The following SPATS2L variants were observed in gnomAD, a reference collection of about 807,000 sequenced individuals.
SPATS2L encodes spermatogenesis associated serine rich 2 like, also known as SPATS2-like protein.
SPATS2L carries 30 observed loss-of-function variants against 59.6 expected under a neutral mutation model. That is an observed-to-expected ratio of 0.50 (90% CI 0.38 to 0.68). The LOEUF (loss-of-function observed/expected upper bound fraction) is 0.68, where lower values mean the gene tolerates loss of function less well. Ranked by LOEUF, SPATS2L falls within the 30% of genes least tolerant of loss-of-function variation. The probability of loss-of-function intolerance (pLI) is 0.00; values close to 1 mark genes in which losing one functional copy is unlikely to be tolerated. For synonymous variants in SPATS2L, 252 were observed against 263.5 expected (o/e 0.96, Z 0.42); for missense variants, 615 against 700.0 (o/e 0.88, Z 1.37).
intron 3 of SPATS2L, among the ~76,000 whole-genome samples, chr2:200,396,066 ATT>A (rs60712384): frequency 0.1 from 3,983 of 38,338 alleles, 648 homozygotes; most frequent in South Asian, 0.17. Flanking sequence ...ATATATATAT[ATT>A]TTCCCATAGA....
At chr2:200,357,048 A>G (rs1389401966) in intron 2 of SPATS2L, among the ~76,000 whole-genome samples, 4 of 152,222 alleles carry the variant, frequency 2.6e-5, no homozygotes, top group South Asian at 2.1e-4. Flanking sequence ...CATTCAAACC[A>G]TAGCAATGGA....
At chr2:200,385,971 C>T (rs918847374) in intron 2 of SPATS2L, among the ~76,000 whole-genome samples, 10 of 152,304 alleles carry the variant, frequency 6.6e-5, no homozygotes, top group African/African-American at 2.4e-4. Flanking sequence ...GGACCACAGG[C>T]GTGAGCCACC....
intron 1 of SPATS2L, among the ~76,000 whole-genome samples, chr2:200,326,153 G>T (rs903332297): frequency 7.2e-5 from 11 of 152,160 alleles, no homozygotes; most frequent in African/African-American, 2.4e-5. Flanking sequence ...TAGAGATGGG[G>T]TCTTGGGCTC....
At chr2:200,424,998 G>A (rs945188063) in intron 6 of SPATS2L, among the ~76,000 whole-genome samples, 4 of 152,254 alleles carry the variant, frequency 2.6e-5, no homozygotes, top group African/African-American at 7.2e-5. Context: ...CAGCCCTGTC[G>A]TTTTTACCTT....
At chr2:200,336,871 T>C (rs1239577290) in intron 2 of SPATS2L, among the ~76,000 whole-genome samples, 1 of 152,218 alleles carries the variant, frequency 6.6e-6, no homozygotes, top group African/African-American at 2.4e-5. Context: ...TGATTCCTTG[T>C]TTTTCAAGCA....
chr2:200,426,703 C>T (rs188207950), intron 6 of SPATS2L, among the ~76,000 whole-genome samples: 1 of 152,126 alleles, frequency 6.6e-6, no homozygotes. Context: ...CCCCAGCCTG[C>T]GCAATGAAGC....
intron 3 of SPATS2L, among the ~76,000 whole-genome samples, chr2:200,404,553 A>G (rs1001387616): frequency 6.6e-6 from 1 of 152,122 alleles, no homozygotes; most frequent in African/African-American, 2.4e-5. Context: ...TTAAAAGGTA[A>G]TAGTTGGTGG....
At chr2:200,348,328 G>C (rs2080589734) in intron 2 of SPATS2L, among the ~76,000 whole-genome samples, 1 of 152,222 alleles carries the variant, frequency 6.6e-6, no homozygotes, top group African/African-American at 2.4e-5. Flanking sequence ...TTGAGACATG[G>C]TAAACAACGA....
chr2:200,418,065 G>C (rs1217928499), intron 5 of SPATS2L, among the ~76,000 whole-genome samples: 2 of 152,146 alleles, frequency 1.3e-5, no homozygotes, highest in Admixed American at 1.3e-4. Flanking sequence ...GAGAGATATA[G>C]TAAAACTCCG....
At chr2:200,351,244 T>C in intron 2 of SPATS2L, 1 of 471,406 alleles carries the variant, frequency 2.1e-6, no homozygotes, top group Middle Eastern at 3.2e-4. Flanking sequence ...TCAGTGTTTG[T>C]GTTTTTAGAT....
intron 2 of SPATS2L, among the ~76,000 whole-genome samples, chr2:200,371,068 G>T (rs112619739): frequency 6.6e-6 from 1 of 152,120 alleles, no homozygotes; most frequent in East Asian, 1.9e-4. Context: ...TTAATTGATT[G>T]TCGGCTCATT....
At chr2:200,401,419 G>C (rs1445707091) in intron 3 of SPATS2L, among the ~76,000 whole-genome samples, 1 of 152,222 alleles carries the variant, frequency 6.6e-6, no homozygotes, top group East Asian at 1.9e-4. Flanking sequence ...TACAGAGAGA[G>C]AGCGTGCCCT....
Position 200,329,465 on chromosome 2 carries a change from T to G in SPATS2L, c.-38T>G, listed in dbSNP as rs1346845854. ...GAAACCAGGCTGCTTTCAGGAACAT[T>G]GCTGTGGATTCCCAGGTGAGTAGAG... On this transcript the variant is annotated 5_prime_UTR_variant, in exon 2 of 13. It adds an upstream start codon to the 5' untranslated region. Coordinates refer to ENST00000409140, the MANE Select transcript of SPATS2L (RefSeq NM_001100423.2). 5 of 1,550,562 alleles carry G rather than the reference T, an allele frequency of 3.2e-6. No individual in the cohort carries two copies. In the Admixed American group the frequency reaches 9.8e-5, roughly 30 times the overall value.
At chr2:200,400,094 T>G (rs1025760489) in intron 3 of SPATS2L, among the ~76,000 whole-genome samples, 6 of 152,208 alleles carry the variant, frequency 3.9e-5, no homozygotes, top group African/African-American at 1.4e-4. Context: ...AAGATTAAAG[T>G]GTCTTAGTAT....
chr2:200,379,561 A>G (rs1211903388), intron 2 of SPATS2L, among the ~76,000 whole-genome samples: 1 of 152,168 alleles, frequency 6.6e-6, no homozygotes, highest in South Asian at 2.1e-4. Context: ...AAAGGAAGAA[A>G]GGGAACACAT....
intron 11 of SPATS2L, 57 bp from the exon 12 acceptor site, chr2:200,472,775 A>G: frequency 1.4e-6 from 2 of 1,453,858 alleles, no homozygotes; most frequent in Non-Finnish European, 1.9e-6. Context: ...CTAATGGGTT[A>G]CTGAGGCAGC....
chr2:200,332,600 T>C (rs1321442484), intron 2 of SPATS2L, among the ~76,000 whole-genome samples: 2 of 152,112 alleles, frequency 1.3e-5, no homozygotes, highest in African/African-American at 2.4e-5. Flanking sequence ...TTAGATTTAG[T>C]GAATGTGTAG....
intron 1 of SPATS2L, among the ~76,000 whole-genome samples, chr2:200,314,282 A>G (rs986082633): frequency 4.6e-5 from 7 of 152,154 alleles, no homozygotes; most frequent in Admixed American, 3.9e-4. Context: ...GCCTTCTTCA[A>G]CCTCTACATT....
At chr2:200,471,050 C>G (rs968045539) in intron 11 of SPATS2L, among the ~76,000 whole-genome samples, 8 of 152,150 alleles carry the variant, frequency 5.3e-5, no homozygotes, top group African/African-American at 1.9e-4. Flanking sequence ...AGCCCAGCTA[C>G]TTGGGAGGCT....
Sources: allele counts gnomAD v4.1 joint callset (sites outside exome capture counted in the v4.1 genomes callset), GRCh38; gene constraint gnomAD v4.1.1; transcripts MANE v1.5; gene names NCBI Gene and HGNC (gene_info 2026-07-23, HGNC 2026-07-21).